SLC22A3: variants seen among roughly 807,000 people sequenced by gnomAD.
The protein encoded by SLC22A3 is EMT organic cation transporter 3.
A neutral mutation model predicts 59.1 loss-of-function variants in SLC22A3; 51 were observed. The observed-to-expected ratio is 0.86, with a 90% CI of 0.69 to 1.09. SLC22A3 has a LOEUF of 1.09. SLC22A3 is among the 50% of genes least tolerant of loss of function. SLC22A3 has a pLI of 0.00. For synonymous variants in SLC22A3, 325 were observed against 292.0 expected, an observed-to-expected ratio of 1.11 and a Z score of -1.15; for missense variants, 711 against 726.3, an observed-to-expected ratio of 0.98 and a Z score of 0.24.
In SLC22A3 at chr6:160,447,800, A is replaced by C; in HGVS notation, c.1592A>C (p.Asp531Ala). ...ATTGCCTTGCCAGAGACAGTGGATG[A>C]TGTAGAAAAACTTGGCAGGTACTGT... ...KGIALPETVD[D>A]VEKLGSPHSC... Residue 531 changes from aspartate (D) to alanine (A), a missense_variant, in exon 10 of 11, where the codon GAT becomes GCT. Transcript: ENST00000275300. 6.2e-7 allele frequency: 1 copy of C among 1,614,036 alleles called. No individual in the cohort carries two copies. Among genetic ancestry groups the C allele is most frequent in the Non-Finnish European group, 8.5e-7 (1 of 1,179,904 alleles).
chr6:160,443,844 T>C, intron 9 of SLC22A3, 102 bp downstream of exon 9: 1 of 511,028 alleles, frequency 2.0e-6, no homozygotes, highest in Non-Finnish European at 3.3e-6. Flanking sequence ...TGATAGTCAT[T>C]TATCTTATTA....
At chr6:160,352,525 A>G (rs1179444817) in intron 1 of SLC22A3, among the ~76,000 whole-genome samples, 1 of 152,102 alleles carries the variant, frequency 6.6e-6, no homozygotes, top group African/African-American at 2.4e-5. Flanking sequence ...AAAAAAAAAG[A>G]GCTTTTCCCT....
chr6:160,365,605 A>G (rs1421819667), intron 1 of SLC22A3, among the ~76,000 whole-genome samples: 1 of 152,156 alleles, frequency 6.6e-6, no homozygotes, highest in Non-Finnish European at 1.5e-5. Context: ...GATTTTTTTC[A>G]TTGTGATGAT....
At position 160,442,838 on chromosome 6, in the gene SLC22A3, G is replaced by C; in HGVS notation, c.1366G>C (p.Val456Leu). The change falls in exon 8 of 11, where the codon GTA becomes CTA. Residue 456 changes from valine (V) to leucine (L), a missense_variant. Val to Leu is a conservative substitution (Grantham distance 32). Transcript: ENST00000275300. ...ITMAFEIVYL[V>L]NSELYPTTLR... The stretch of plus-strand genomic sequence containing the variant: ...CATGGCCTTTGAAATTGTTTATTTG[G>C]TAAATTCAGAATTGTACCCAACAAC... 3 of 1,613,766 alleles carry C rather than the reference G, an allele frequency of 1.9e-6. No individual in the cohort carries two copies. Among genetic ancestry groups the C allele is most frequent in the Non-Finnish European group, 2.5e-6 (3 of 1,179,696 alleles).
intron 9 of SLC22A3, among the ~76,000 whole-genome samples, chr6:160,444,722 C>T (rs868704408): frequency 4.6e-5 from 7 of 152,320 alleles, no homozygotes; most frequent in Non-Finnish European, 8.8e-5. Context: ...CTCACGCAAC[C>T]GTTTCTCTAT....
chr6:160,431,384 G>A (rs1172793610), intron 5 of SLC22A3, among the ~76,000 whole-genome samples: 1 of 152,176 alleles, frequency 6.6e-6, no homozygotes, highest in Non-Finnish European at 1.5e-5. Flanking sequence ...CCTAGAAAGT[G>A]GGTCATCTTT....
At chr6:160,358,436 T>C (rs1213400674) in intron 1 of SLC22A3, among the ~76,000 whole-genome samples, 6 of 152,182 alleles carry the variant, frequency 3.9e-5, no homozygotes, top group Non-Finnish European at 7.4e-5. Context: ...GGCAAGCCCC[T>C]AGGGCTGAGG....
intron 1 of SLC22A3, among the ~76,000 whole-genome samples, chr6:160,388,702 A>G (rs1472241703): frequency 6.6e-6 from 1 of 152,042 alleles, no homozygotes; most frequent in African/African-American, 2.4e-5. Context: ...GAATTTAGTC[A>G]TTTTTCCCTT....
chr6:160,375,739 G>A (rs1251891975), intron 1 of SLC22A3, among the ~76,000 whole-genome samples: 1 of 152,102 alleles, frequency 6.6e-6, no homozygotes, highest in African/African-American at 2.4e-5. Flanking sequence ...AAGTACAAGT[G>A]TTTTAAGAAT....
intron 9 of SLC22A3, among the ~76,000 whole-genome samples, chr6:160,445,162 G>A (rs1313738549): frequency 1.3e-5 from 2 of 152,220 alleles, no homozygotes; most frequent in African/African-American, 2.4e-5. Context: ...GAAAGCAGAG[G>A]CTCCTATGAG....
intron 5 of SLC22A3, among the ~76,000 whole-genome samples, chr6:160,420,760 G>C (rs1367848020): frequency 6.6e-6 from 1 of 152,226 alleles, no homozygotes; most frequent in Non-Finnish European, 1.5e-5. Context: ...CTCAGAGGAA[G>C]ATTCCAAAGG....
intron 1 of SLC22A3, among the ~76,000 whole-genome samples, chr6:160,377,805 C>G (rs1033164966): frequency 6.6e-6 from 1 of 152,318 alleles, no homozygotes; most frequent in East Asian, 1.9e-4. Flanking sequence ...TCTGCAGAGG[C>G]TGCTAAGCAA....
At chr6:160,361,035 A>G (rs944755477) in intron 1 of SLC22A3, among the ~76,000 whole-genome samples, 10 of 152,234 alleles carry the variant, frequency 6.6e-5, no homozygotes, top group African/African-American at 2.2e-4. Context: ...TCAGAACAGC[A>G]TGGTATTGGA....
chr6:160,429,755 C>T (rs1218109457), intron 5 of SLC22A3, among the ~76,000 whole-genome samples: 1 of 152,016 alleles, frequency 6.6e-6, no homozygotes, highest in Non-Finnish European at 1.5e-5. Context: ...GAAAAAGTAT[C>T]CTGCCTTAAG....
In SLC22A3 at chr6:160,374,538, A is replaced by C. The variant is rs1406067857; in HGVS notation, c.430-23441A>C. On this transcript the variant is annotated intron_variant, in intron 1 of 10. Coordinates refer to ENST00000275300, the MANE Select transcript of SLC22A3 (RefSeq NM_021977.4). ...GTTTTTTCACTGGCTTCATATGCTC[A>C]TGCCTCACTAAGGTTGTAGAAAATA... 3.9e-5 allele frequency among the ~76,000 whole-genome samples: 6 copies of C among 152,264 alleles called. No individual in the cohort carries two copies. The East Asian group carries it at 1.2e-3, about 29-fold the overall frequency.
intron 1 of SLC22A3, among the ~76,000 whole-genome samples, chr6:160,352,970 G>A (rs1562464232): frequency 6.6e-6 from 1 of 152,100 alleles, no homozygotes; most frequent in South Asian, 2.1e-4. Flanking sequence ...ACAGGCACCC[G>A]CCACCGCGCC....
chr6:160,420,103 C>G (rs1257046401), intron 5 of SLC22A3, among the ~76,000 whole-genome samples: 3 of 152,190 alleles, frequency 2.0e-5, no homozygotes, highest in Non-Finnish European at 4.4e-5. Flanking sequence ...GCCCAGCACT[C>G]ATTTCCTTCC....
intron 1 of SLC22A3, among the ~76,000 whole-genome samples, chr6:160,355,047 G>T (rs1453219232): frequency 2.0e-5 from 3 of 152,216 alleles, no homozygotes; most frequent in Admixed American, 1.3e-4. Context: ...TGCGAGGCAG[G>T]CAGGAGCCCC....
At chr6:160,418,505 T>A (rs577384364) in intron 5 of SLC22A3, among the ~76,000 whole-genome samples, 26 of 152,322 alleles carry the variant, frequency 1.7e-4, no homozygotes, top group South Asian at 1.7e-3. Flanking sequence ...ATTCTCCTAA[T>A]AAACTCCCTT....
Sources: gnomAD v4.1 joint callset for allele counts (sites outside exome capture counted in the v4.1 genomes callset) on GRCh38, gnomAD v4.1.1 for gene constraint, MANE v1.5 for transcripts, NCBI Gene and HGNC (gene_info 2026-07-23, HGNC 2026-07-21) for gene names.